The following ILDR1 variants were observed in gnomAD, a reference collection of about 807,000 sequenced individuals.
ILDR1 encodes the protein immunoglobulin like domain containing receptor 1, also known as immunoglobulin-like domain-containing receptor 1.
ILDR1 carries 56 observed loss-of-function variants against 62.4 expected under a neutral mutation model. That is an observed-to-expected ratio of 0.90 (90% confidence interval 0.72 to 1.12). The LOEUF (loss-of-function observed/expected upper bound fraction) is 1.12. Among genes scored for constraint, ILDR1 ranks in the 50% most tolerant of loss-of-function variants. ILDR1 has a pLI of 0.00. For missense variants in ILDR1, 736 were observed against 710.6 expected, an observed-to-expected ratio of 1.04 and a Z score of -0.41; for synonymous variants, 284 against 277.8, an observed-to-expected ratio of 1.02 and a Z score of -0.22.
At chr3:122,015,740 G>A (rs1327553278) in intron 1 of ILDR1, among the ~76,000 whole-genome samples, 1 of 152,182 alleles carries the variant, frequency 6.6e-6, no homozygotes, top group Non-Finnish European at 1.5e-5. Context: ...GTTCTTTATA[G>A]CAGCATGAGA....
intron 1 of ILDR1, among the ~76,000 whole-genome samples, chr3:122,021,330 C>T (rs1401901076): frequency 6.6e-6 from 1 of 152,098 alleles, no homozygotes; most frequent in African/African-American, 2.4e-5. Context: ...TGGAGATACA[C>T]ACTTCTGTCA....
the ILDR1 span, among the ~76,000 whole-genome samples, chr3:122,028,128 G>C: frequency 1.9e-3 from 283 of 151,730 alleles, 2 homozygotes; most frequent in South Asian, 0.013. Flanking sequence ...GAGATCGAGA[G>C]CATCCTGGCT....
the ILDR1 span, among the ~76,000 whole-genome samples, chr3:122,050,306 T>C: frequency 6.6e-6 from 1 of 152,216 alleles, no homozygotes; most frequent in Admixed American, 6.5e-5. Flanking sequence ...TTTTGAAATT[T>C]GTTTTTTGTG....
chr3:122,056,708 G>C, the ILDR1 span, among the ~76,000 whole-genome samples: 1 of 152,174 alleles, frequency 6.6e-6, no homozygotes, highest in Non-Finnish European at 1.5e-5. Flanking sequence ...ACTGGTTTGA[G>C]AAAAAGCTTT....
chr3:122,026,642 G>A (rs561888171), upstream of ILDR1, among the ~76,000 whole-genome samples: 54 of 152,228 alleles, frequency 3.5e-4, no homozygotes, highest in Non-Finnish European at 6.8e-4. Flanking sequence ...GGAGCTGCAT[G>A]CCTGTACAGG....
intron 1 of ILDR1, among the ~76,000 whole-genome samples, chr3:122,015,984 C>G (rs1382869537): frequency 6.6e-6 from 1 of 152,188 alleles, no homozygotes; most frequent in Non-Finnish European, 1.5e-5. Flanking sequence ...AAACCTCTAA[C>G]AGCTGTCCAT....
chr3:122,052,689 T>C, the ILDR1 span, among the ~76,000 whole-genome samples: 3 of 152,188 alleles, frequency 2.0e-5, no homozygotes, highest in Admixed American at 6.5e-5. Flanking sequence ...TTCTCCTGCC[T>C]CGGCCTTCCA....
At chr3:122,034,145 A>G in the ILDR1 span, among the ~76,000 whole-genome samples, 1 of 152,240 alleles carries the variant, frequency 6.6e-6, no homozygotes, top group South Asian at 2.1e-4. Flanking sequence ...TATGTTAAAT[A>G]GTATTGTTTA....
the ILDR1 span, among the ~76,000 whole-genome samples, chr3:122,035,490 A>G: frequency 6.6e-6 from 1 of 152,108 alleles, no homozygotes; most frequent in African/African-American, 2.4e-5. Flanking sequence ...CCCTGCTCAA[A>G]TCTTATGTCA....
At chr3:122,034,762 C>T in the ILDR1 span, among the ~76,000 whole-genome samples, 1 of 152,324 alleles carries the variant, frequency 6.6e-6, no homozygotes, top group South Asian at 2.1e-4. Context: ...TACAGTTCCA[C>T]ATGGCTAGGG....
chr3:122,055,488 A>C, the ILDR1 span: 1 of 1,614,100 alleles, frequency 6.2e-7, no homozygotes, highest in Non-Finnish European at 8.5e-7. Flanking sequence ...GAAGCAGCCA[A>C]AATGGATCCC....
chr3:122,024,892 T>C (rs1341711884), upstream of ILDR1, among the ~76,000 whole-genome samples: 1 of 152,228 alleles, frequency 6.6e-6, no homozygotes, highest in African/African-American at 2.4e-5. Context: ...GCTAGCTGGC[T>C]CTGTCAATGT....
rs1417947882 is a variant in ILDR1, at chr3:122,007,109, C to G, written c.111G>C (p.Leu37=). 3 of 1,614,160 alleles carry G rather than the reference C, an allele frequency of 1.9e-6. No individual in the cohort carries two copies. The highest frequency in any genetic ancestry group is 3.3e-5 in the Admixed American group (2 of 60,022). The part of the protein sequence containing the change: ...TVQHTERYVT[L]FASIILKCDY... ...CACATTTGAGGATGATAGAGGCAAA[C>G]AGGGTGACATAGCGTTCTGTGTGCT... The change falls in exon 2 of 8, where the codon CTG becomes CTC. Residue 37 remains leucine (L), a synonymous_variant. Transcript: ENST00000344209.
chr3:122,036,761 T>G, the ILDR1 span, among the ~76,000 whole-genome samples: 1 of 152,162 alleles, frequency 6.6e-6, no homozygotes, highest in Non-Finnish European at 1.5e-5. Context: ...GGAAAATGTC[T>G]CTAGGGCATT....
At chr3:122,029,509 AAAAT>A in the ILDR1 span, among the ~76,000 whole-genome samples, 4 of 113,506 alleles carry the variant, frequency 3.5e-5, no homozygotes, top group Non-Finnish European at 5.7e-5. Flanking sequence ...CCGTCTAAAA[AAAAT>A]ATATATATAT....
the ILDR1 span, among the ~76,000 whole-genome samples, chr3:122,034,209 T>C: frequency 6.6e-6 from 1 of 152,240 alleles, no homozygotes; most frequent in Non-Finnish European, 1.5e-5. Flanking sequence ...GATTTTTAAA[T>C]ATATTGACCA....
chr3:121,991,394 TTTG>T (rs1287353242), intron 7 of ILDR1, among the ~76,000 whole-genome samples: 22 of 152,192 alleles, frequency 1.4e-4, no homozygotes, highest in Non-Finnish European at 1.2e-4. Flanking sequence ...CTTAACTTTT[TTTG>T]TTGTTGTTGT....
At chr3:122,001,176 C>T in intron 5 of ILDR1, 132 bp downstream of exon 5, 1 of 1,071,096 alleles carries the variant, frequency 9.3e-7, no homozygotes, top group South Asian at 1.4e-5. Context: ...GGCTAATGTC[C>T]TCTGTCCCTA....
At chr3:122,018,392 G>C (rs1254165648) in intron 1 of ILDR1, among the ~76,000 whole-genome samples, 1 of 142,400 alleles carries the variant, frequency 7.0e-6, no homozygotes, top group African/African-American at 2.6e-5. Flanking sequence ...GGCCTGTTGG[G>C]GTGGGGGGGG....
Sources: allele counts gnomAD v4.1 joint callset (sites outside exome capture counted in the v4.1 genomes callset), GRCh38; gene constraint gnomAD v4.1.1; transcripts MANE v1.5; gene names NCBI Gene and HGNC (gene_info 2026-07-23, HGNC 2026-07-21).